Variants in LANCL2 observed in about 807,000 individuals in gnomAD.
LANCL2 encodes the protein lanC-like protein 2.
In LANCL2, 33 loss-of-function variants were observed where a neutral mutation model predicts 56.9. The observed-to-expected ratio is 0.58, with a 90% CI of 0.44 to 0.78. LANCL2 has a LOEUF of 0.78. LANCL2 is among the 30% of genes least tolerant of loss of function. The pLI, the probability that LANCL2 is intolerant of heterozygous loss-of-function variation, is 0.00. For missense variants in LANCL2, 562 were observed against 580.2 expected (o/e 0.97, Z 0.32); for synonymous variants, 233 against 228.2 (o/e 1.02, Z -0.19).
intron 5 of LANCL2, among the ~76,000 whole-genome samples, chr7:55,406,675 G>A (rs1324632136): frequency 6.6e-6 from 1 of 152,214 alleles, no homozygotes; most frequent in Non-Finnish European, 1.5e-5. Flanking sequence ...ACTGGAGGGT[G>A]TCGTTGGAAG....
At chr7:55,393,932 C>G (rs1055206412) in intron 2 of LANCL2, 1 of 152,218 alleles carries the variant, frequency 6.6e-6, no homozygotes, top group Admixed American at 6.5e-5. Context: ...AGCTATTAGT[C>G]TCAACGGGTT....
At chr7:55,366,347 T>A in intron 1 of LANCL2, 118 bp downstream of exon 1, 1 of 843,500 alleles carries the variant, frequency 1.2e-6, no homozygotes, top group Non-Finnish European at 1.8e-6. Flanking sequence ...CGCGGGATGA[T>A]AGCGCCTAGC....
At position 55,399,991 on chromosome 7, in the gene LANCL2, G is replaced by A. The variant is rs762662955; in HGVS notation, c.565G>A (p.Glu189Lys). The part of the protein sequence containing the change: ...LQLQRSVVCQ[E>K]SDLPDELLYG... ...GCTCCAGAGATCGGTTGTCTGCCAA[G>A]AATCAGACCTTCCTGATGAGCTGCT... Residue 189 changes from glutamate (E) to lysine (K), a missense_variant, in exon 4 of 9, where the codon GAA becomes AAA. By Grantham distance (56) the Glu-to-Lys change is moderately conservative (BLOSUM62 1). Coordinates refer to ENST00000254770, the MANE Select transcript of LANCL2 (RefSeq NM_018697.4). 3.1e-6 allele frequency: 5 copies of A among 1,613,706 alleles called. 1 individual carries two copies. In the South Asian group the frequency reaches 5.5e-5, roughly 18 times the overall value.
chr7:55,390,434 C>T (rs1348536174), intron 1 of LANCL2, among the ~76,000 whole-genome samples: 1 of 152,114 alleles, frequency 6.6e-6, no homozygotes, highest in Non-Finnish European at 1.5e-5. Flanking sequence ...GGTGAAACCC[C>T]ATCTCTACTA....
chr7:55,402,135 T>C (rs1412098557), intron 5 of LANCL2, among the ~76,000 whole-genome samples: 14 of 140,696 alleles, frequency 1.0e-4, no homozygotes, highest in Middle Eastern at 3.9e-3. Flanking sequence ...GAGGCGCCCC[T>C]CACCTCCCGG....
chr7:55,402,913 G>A (rs1302635616), intron 5 of LANCL2, among the ~76,000 whole-genome samples: 1 of 151,470 alleles, frequency 6.6e-6, no homozygotes, highest in African/African-American at 2.4e-5. Flanking sequence ...TCACTTCCTA[G>A]ATGGGATGGC....
At chr7:55,373,275 A>ATATTTATTTATTTATTTATTTATT (rs55805701) in intron 1 of LANCL2, among the ~76,000 whole-genome samples, 5 of 147,952 alleles carry the variant, frequency 3.4e-5, no homozygotes, top group African/African-American at 1.3e-4. Context: ...AATTTTTTAA[A>ATATTTATTTATTTATTTATTTATT]TATTTATTTA....
chr7:55,429,957 G>A (rs1250309692), intron 8 of LANCL2, among the ~76,000 whole-genome samples: 1 of 152,256 alleles, frequency 6.6e-6, no homozygotes, highest in Non-Finnish European at 1.5e-5. Flanking sequence ...TGGCAAACTG[G>A]CCGGCTGGAG....
At chr7:55,414,999 A>AG (rs1790510769) in intron 6 of LANCL2, among the ~76,000 whole-genome samples, 1 of 134,052 alleles carries the variant, frequency 7.5e-6, no homozygotes, top group South Asian at 2.3e-4. Context: ...AAAAAAAAAA[A>AG]AAGAAAAGAA....
rs545699675 is a variant in LANCL2, at chr7:55,431,314, G to A, written c.1347G>A (p.Arg449=). 1.2e-6 allele frequency: 2 copies of A among 1,611,650 alleles called. No homozygotes were observed. Among genetic ancestry groups the A allele is most frequent in the East Asian group, 4.5e-5 (2 of 44,848 alleles). The stretch of plus-strand genomic sequence containing the variant: ...CATTTGAACTTGACTCTTCGAAGAG[G>A]GATTAAAAGGTGCAAAAAGACAACT... ...FPAFELDSSK[R]D Residue 449 remains arginine, a synonymous_variant, in exon 9 of 9, where the codon AGG becomes AGA. Coordinates refer to ENST00000254770, the MANE Select transcript of LANCL2 (RefSeq NM_018697.4).
At chr7:55,400,132 C>T (rs760652336) in intron 4 of LANCL2, 28 bp downstream of exon 4, 9 of 1,526,724 alleles carry the variant, frequency 5.9e-6, no homozygotes, top group Non-Finnish European at 7.1e-6. Flanking sequence ...TAACTATGGG[C>T]GTCTCTACCA....
Position 55,374,453 on chromosome 7 carries a change from T to C in LANCL2, c.204+8224T>C, listed in dbSNP as rs539083079. On this transcript the variant is annotated intron_variant, in intron 1 of 8. Transcript: ENST00000254770. ...AATAGCGTTATCTTGATAGAGTCAGTTTAGGTAAGGACCTGTTTATTGAAA... is the reference window on the plus strand; with the variant it reads ...AATAGCGTTATCTTGATAGAGTCAGCTTAGGTAAGGACCTGTTTATTGAAA... Among the ~76,000 whole-genome samples the C allele has an allele frequency of 2.0e-5, 3 of 152,338 alleles. No individual in the cohort carries two copies. In the South Asian group the frequency reaches 6.2e-4, roughly 32 times the overall value.
chr7:55,408,062 T>G (rs1790430255), intron 5 of LANCL2, among the ~76,000 whole-genome samples: 2 of 152,152 alleles, frequency 1.3e-5, no homozygotes, highest in East Asian at 1.9e-4. Flanking sequence ...GGAAGAAAGC[T>G]TCGAATAAAT....
chr7:55,395,930 C>T (rs920276407), intron 2 of LANCL2, among the ~76,000 whole-genome samples: 5 of 152,244 alleles, frequency 3.3e-5, no homozygotes, highest in Non-Finnish European at 5.9e-5. Context: ...TAGCCAACTA[C>T]ACCCCTGTGC....
chr7:55,416,283 C>A (rs748786998), intron 6 of LANCL2, among the ~76,000 whole-genome samples: 1 of 151,844 alleles, frequency 6.6e-6, no homozygotes, highest in Non-Finnish European at 1.5e-5. Context: ...TTCATATCTT[C>A]TTCTTATTAT....
At chr7:55,416,054 G>A (rs182743527) in intron 6 of LANCL2, among the ~76,000 whole-genome samples, 4 of 152,240 alleles carry the variant, frequency 2.6e-5, no homozygotes, top group South Asian at 2.1e-4. Flanking sequence ...TTACTGGATC[G>A]GAGGGTAGGT....
intron 5 of LANCL2, among the ~76,000 whole-genome samples, chr7:55,407,506 G>C (rs527701640): frequency 3.8e-4 from 58 of 152,340 alleles, no homozygotes; most frequent in African/African-American, 1.3e-3. Flanking sequence ...CTGAGCCCTG[G>C]TGCCCAGACA....
intron 6 of LANCL2, among the ~76,000 whole-genome samples, chr7:55,416,080 G>A (rs1262104487): frequency 6.6e-6 from 1 of 152,150 alleles, no homozygotes; most frequent in African/African-American, 2.4e-5. Flanking sequence ...TTTAGTTTTA[G>A]AAATTGCCAC....
At chr7:55,377,601 C>G (rs1291956104) in intron 1 of LANCL2, among the ~76,000 whole-genome samples, 5 of 152,088 alleles carry the variant, frequency 3.3e-5, no homozygotes, top group South Asian at 4.2e-4. Flanking sequence ...ATAAATGTGC[C>G]TTGTGTATCA....
Sources: gnomAD v4.1 joint callset for allele counts (sites outside exome capture counted in the v4.1 genomes callset) on GRCh38, gnomAD v4.1.1 for gene constraint, MANE v1.5 for transcripts, NCBI Gene and HGNC (gene_info 2026-07-23, HGNC 2026-07-21) for gene names.